Variants in TNR observed in about 807,000 individuals in gnomAD.
TNR encodes tenascin-R.
Under a neutral mutation model 150.4 loss-of-function variants are expected in TNR, and 45 were observed. The observed-to-expected ratio is 0.30, with a 90% CI of 0.24 to 0.38. The LOEUF (loss-of-function observed/expected upper bound fraction) is 0.38. Among genes scored for constraint, TNR ranks in the 10% least tolerant of loss-of-function variants. TNR has a pLI of 1.00. For missense variants in TNR, 1,544 were observed against 1,759.1 expected (o/e 0.88, Z 2.19); for synonymous variants, 687 against 678.4 (o/e 1.01, Z -0.20).
At chr1:175,588,243 T>C (rs1662655504) in intron 1 of TNR, among the ~76,000 whole-genome samples, 1 of 152,250 alleles carries the variant, frequency 6.6e-6, no homozygotes, top group Non-Finnish European at 1.5e-5. Flanking sequence ...TAATTCTTAA[T>C]GGCCTATCTC....
chr1:175,496,683 C>T (rs1475122828), intron 2 of TNR, among the ~76,000 whole-genome samples: 1 of 152,204 alleles, frequency 6.6e-6, no homozygotes, highest in Non-Finnish European at 1.5e-5. Context: ...AAACAAGAAA[C>T]TGAGGCTCCG....
chr1:175,676,561 A>G (rs770829098), intron 1 of TNR, among the ~76,000 whole-genome samples: 31 of 152,290 alleles, frequency 2.0e-4, no homozygotes, highest in African/African-American at 4.1e-4. Flanking sequence ...AAGTCTCCCA[A>G]TAGGACTGAA....
At chr1:175,359,491 G>T in intron 15 of TNR, 121 bp downstream of exon 15, 1 of 1,510,990 alleles carries the variant, frequency 6.6e-7, no homozygotes, top group Admixed American at 1.7e-5. Flanking sequence ...ACCTGAAGTA[G>T]GAACTTTTCT....
intron 1 of TNR, among the ~76,000 whole-genome samples, chr1:175,546,369 A>G (rs923566892): frequency 6.6e-6 from 1 of 152,176 alleles, no homozygotes; most frequent in South Asian, 2.1e-4. Flanking sequence ...AAAATAGGCT[A>G]CAGAGTGACA....
intron 1 of TNR, among the ~76,000 whole-genome samples, chr1:175,610,557 C>A (rs990371836): frequency 1.3e-5 from 2 of 152,232 alleles, no homozygotes; most frequent in Non-Finnish European, 2.9e-5. Flanking sequence ...GCCTCAGGGT[C>A]AAACACTCTG....
intron 1 of TNR, among the ~76,000 whole-genome samples, chr1:175,658,972 T>C (rs1665279068): frequency 6.6e-6 from 1 of 152,148 alleles, no homozygotes; most frequent in African/African-American, 2.4e-5. Context: ...AAATATTCAG[T>C]GAGGGATTCT....
intron 2 of TNR, among the ~76,000 whole-genome samples, chr1:175,410,330 C>G (rs1034683740): frequency 3.9e-5 from 6 of 152,202 alleles, no homozygotes; most frequent in Admixed American, 1.3e-4. Context: ...TCACTGTTCT[C>G]AAATGCATCC....
chr1:175,567,815 T>C (rs950227573), intron 1 of TNR, among the ~76,000 whole-genome samples: 2 of 152,154 alleles, frequency 1.3e-5, no homozygotes, highest in Non-Finnish European at 2.9e-5. Context: ...GATACTTTCA[T>C]GTGAATGAAG....
At chr1:175,676,338 C>T (rs981919759) in intron 1 of TNR, among the ~76,000 whole-genome samples, 2 of 152,146 alleles carry the variant, frequency 1.3e-5, no homozygotes, top group East Asian at 1.9e-4. Context: ...GGCAAGAGGG[C>T]TCTTTCCCCA....
chr1:175,358,070 T>C (rs1227554590), intron 15 of TNR, among the ~76,000 whole-genome samples: 2 of 152,062 alleles, frequency 1.3e-5, no homozygotes, highest in Non-Finnish European at 2.9e-5. Flanking sequence ...AGTTTCCTGG[T>C]GAAAGAAATA....
intron 18 of TNR, among the ~76,000 whole-genome samples, chr1:175,339,557 G>A (rs2101993723): frequency 6.6e-6 from 1 of 152,194 alleles, no homozygotes; most frequent in South Asian, 2.1e-4. Flanking sequence ...CCTCATTCTT[G>A]ACCTGGCCTC....
At chr1:175,534,076 T>C (rs113011901) in intron 1 of TNR, among the ~76,000 whole-genome samples, 3 of 152,346 alleles carry the variant, frequency 2.0e-5, no homozygotes, top group South Asian at 4.1e-4. Flanking sequence ...CTCAGTCTTT[T>C]AGAAGTTGCA....
intron 1 of TNR, among the ~76,000 whole-genome samples, chr1:175,633,025 C>G (rs983228176): frequency 6.6e-6 from 1 of 152,166 alleles, no homozygotes; most frequent in Non-Finnish European, 1.5e-5. Flanking sequence ...TGTCTCCATA[C>G]CTTGTATACA....
At chr1:175,577,178 G>A (rs1356976719) in intron 1 of TNR, among the ~76,000 whole-genome samples, 2 of 152,168 alleles carry the variant, frequency 1.3e-5, no homozygotes, top group Non-Finnish European at 2.9e-5. Flanking sequence ...TCAGGCTAGG[G>A]AGTCTGGATC....
At chr1:175,550,357 T>A (rs1299465207) in intron 1 of TNR, among the ~76,000 whole-genome samples, 1 of 152,090 alleles carries the variant, frequency 6.6e-6, no homozygotes, top group East Asian at 1.9e-4. Context: ...AGGAGGCAAA[T>A]GGTTACCCTC....
At chr1:175,546,125 A>C (rs1388620025) in intron 1 of TNR, among the ~76,000 whole-genome samples, 1 of 152,200 alleles carries the variant, frequency 6.6e-6, no homozygotes, top group African/African-American at 2.4e-5. Context: ...GAAAAATTAG[A>C]TTACAAGGGA....
intron 20 of TNR, among the ~76,000 whole-genome samples, chr1:175,330,847 T>G (rs1649713114): frequency 1.3e-5 from 2 of 152,234 alleles, no homozygotes; most frequent in African/African-American, 4.8e-5. Context: ...TTTGCACTGC[T>G]ACCTTTCCAC....
rs545138152 is a variant in TNR, at chr1:175,362,042, T to C, written c.2854+621A>G. Among the ~76,000 whole-genome samples, 12 of 152,250 alleles carry C rather than the reference T, an allele frequency of 7.9e-5. No individual in the cohort carries two copies. In the South Asian group the frequency reaches 2.5e-3, roughly 32 times the overall value. On this transcript the variant is annotated intron_variant, in intron 14 of 22. Coordinates refer to ENST00000367674, the MANE Select transcript of TNR (RefSeq NM_003285.3). Reference sequence around the variant, plus strand: ...CCTCTGGTCATTATGTAGGAGCTGATGGAGGATGCAGAAGACATCTGGATC... The same window carrying C: ...CCTCTGGTCATTATGTAGGAGCTGACGGAGGATGCAGAAGACATCTGGATC...
chr1:175,461,910 G>A (rs1026005983), intron 2 of TNR, among the ~76,000 whole-genome samples: 18 of 152,212 alleles, frequency 1.2e-4, no homozygotes, highest in African/African-American at 4.3e-4. Context: ...GAAGAACACT[G>A]GTGTGAGTCT....
Sources: allele counts gnomAD v4.1 joint callset (sites outside exome capture counted in the v4.1 genomes callset), GRCh38; gene constraint gnomAD v4.1.1; transcripts MANE v1.5; gene names NCBI Gene and HGNC (gene_info 2026-07-23, HGNC 2026-07-21).